SYN2: variants seen among roughly 807,000 people sequenced by gnomAD.
SYN2 encodes synapsin-2.
A neutral mutation model predicts 50.9 loss-of-function variants in SYN2; 19 were observed. The observed-to-expected ratio is 0.37, with a 90% CI of 0.26 to 0.55. The LOEUF (loss-of-function observed/expected upper bound fraction) is 0.55. Among genes scored for constraint, SYN2 ranks in the 20% least tolerant of loss-of-function variants. SYN2 has a pLI of 0.81. For missense variants in SYN2, 587 were observed against 576.4 expected (o/e 1.02, Z -0.19); for synonymous variants, 255 against 224.9 (o/e 1.13, Z -1.20).
intron 1 of SYN2, chr3:12,070,533 G>C: frequency 3.3e-6 from 3 of 917,378 alleles, no homozygotes. Context: ...GGCCCCGGAG[G>C]AGCACCTGGT....
chr3:12,113,690 A>G (rs1696373081), intron 1 of SYN2, among the ~76,000 whole-genome samples: 1 of 152,194 alleles, frequency 6.6e-6, no homozygotes, highest in Non-Finnish European at 1.5e-5. Flanking sequence ...AATAAAAATG[A>G]AATCACACAA....
At chr3:12,155,843 A>G (rs1326939834) in intron 5 of SYN2, among the ~76,000 whole-genome samples, 2 of 152,090 alleles carry the variant, frequency 1.3e-5, no homozygotes, top group Admixed American at 1.3e-4. Flanking sequence ...GAGGTGCGAT[A>G]ATAGAGTTTG....
Position 12,187,392 on chromosome 3 carries a change from A to G in SYN2, c.1393A>G (p.Met465Val). The G allele has an allele frequency of 6.5e-7, 1 of 1,549,094 alleles. No individual in the cohort carries two copies. The highest frequency in any genetic ancestry group is 8.7e-7 in the Non-Finnish European group (1 of 1,144,818). ...AGGGGGCCCTGGGCAACCCCAAGGA[A>G]TGCAGCCCCCAGGCAAGGTGCTGCC... is the stretch of plus-strand genomic sequence containing the variant. ...PQGGPGQPQG[M>V]QPPGKVLPPR... is the part of the protein sequence containing the mutation. The change falls in exon 12 of 13, where the codon ATG becomes GTG. Residue 465 changes from methionine to valine, a missense_variant. Met to Val is a conservative substitution (Grantham distance 21, BLOSUM62 1). Transcript: ENST00000621198.
chr3:12,061,438 T>G (rs1574916728), intron 1 of SYN2, among the ~76,000 whole-genome samples: 1 of 152,256 alleles, frequency 6.6e-6, no homozygotes, highest in South Asian at 2.1e-4. Context: ...AAAAAAAGCC[T>G]ATATTGTACT....
chr3:12,105,903 T>C (rs6774838), intron 1 of SYN2, among the ~76,000 whole-genome samples: 12,801 of 152,156 alleles, frequency 0.084, 1,776 homozygotes, highest in African/African-American at 0.29. Flanking sequence ...ACACTGGAAA[T>C]GATTTGTTGT....
At chr3:12,153,391 C>T in intron 5 of SYN2, 1 of 1,152,422 alleles carries the variant, frequency 8.7e-7, no homozygotes, top group Non-Finnish European at 1.3e-6. Context: ...GCCAGACTGT[C>T]CACTTGGCAC....
intron 1 of SYN2, among the ~76,000 whole-genome samples, chr3:12,017,126 AAG>A (rs1269727017): frequency 3.9e-5 from 6 of 152,276 alleles, no homozygotes; most frequent in Admixed American, 1.3e-4. Context: ...GAGTAAGAGA[AAG>A]AGCCAAAGCA....
chr3:12,153,424 G>A (rs959970070), intron 5 of SYN2: 1 of 1,429,796 alleles, frequency 7.0e-7, no homozygotes, highest in Non-Finnish European at 9.8e-7. Flanking sequence ...GGCAGCAAGA[G>A]GTCAGGTGGT....
chr3:12,067,144 G>A (rs776618213), intron 1 of SYN2, among the ~76,000 whole-genome samples: 1 of 151,968 alleles, frequency 6.6e-6, no homozygotes, highest in African/African-American at 2.4e-5. Context: ...ATTTGCGTGG[G>A]GATACAGCCA....
chr3:12,049,075 C>A (rs1218726592), intron 1 of SYN2, among the ~76,000 whole-genome samples: 2 of 152,168 alleles, frequency 1.3e-5, no homozygotes, highest in Non-Finnish European at 2.9e-5. Flanking sequence ...ACCCTTCTTT[C>A]TCATTCATTG....
intron 10 of SYN2, among the ~76,000 whole-genome samples, chr3:12,176,022 G>A (rs530345110): frequency 1.1e-4 from 16 of 152,204 alleles, no homozygotes; most frequent in Middle Eastern, 3.2e-3. Flanking sequence ...TAGGGAGACT[G>A]TTCTCGAGGT....
In SYN2 at chr3:12,187,451, A is replaced by G. The variant is rs1229419849; in HGVS notation, c.1452A>G (p.Pro484=). Residue 484 remains proline, a synonymous_variant, in exon 12 of 13, where the codon CCA becomes CCG. Transcript: ENST00000621198. Reference sequence around the variant, plus strand: ...GGCTCCCCCCTGGACCATCACTGCCACCTTCCTCCTCTTCCTCCTCTTCTT... The same window carrying G: ...GGCTCCCCCCTGGACCATCACTGCCGCCTTCCTCCTCTTCCTCCTCTTCTT... ...PRRLPPGPSL[P]PSSSSSSSSS... is the part of the protein sequence containing the mutation. The G allele has an allele frequency of 1.3e-6, 2 of 1,553,128 alleles. No individual in the cohort carries two copies. Among genetic ancestry groups the G allele is most frequent in the Non-Finnish European group, 1.7e-6 (2 of 1,147,662 alleles).
rs1698452737 is a variant in SYN2, at chr3:12,192,006, T to C, written c.*1381T>C. 6.6e-6 allele frequency among the ~76,000 whole-genome samples: 1 copy of C among 152,160 alleles called. No homozygotes were observed. The highest frequency in any genetic ancestry group is 1.5e-5 in the Non-Finnish European group (1 of 68,032). On this transcript the variant is annotated 3_prime_UTR_variant, in exon 13 of 13. Transcript: ENST00000621198. ...AAGATAAACACTACATCTGCACCAA[T>C]AAAAAATCCATATATTAAAATGTTA...
rs112127916 is a variant in SYN2, at chr3:12,138,927, G to A, written c.378-1724G>A. 4.6e-3 allele frequency among the ~76,000 whole-genome samples: 707 copies of A among 152,298 alleles called. 6 individuals carry two copies. Among genetic ancestry groups the A allele is most frequent in the African/African-American group, 0.016 (685 of 41,538 alleles). On this transcript the variant is annotated intron_variant, in intron 1 of 12. Coordinates refer to ENST00000621198, the MANE Select transcript of SYN2 (RefSeq NM_133625.6). ...GTCCAAGGTCTGCAGAGAAGTGATA[G>A]TGCCATACTAGACTCTATTAGTTAA...
At chr3:12,076,698 C>T (rs1695475209) in intron 1 of SYN2, among the ~76,000 whole-genome samples, 1 of 151,928 alleles carries the variant, frequency 6.6e-6, no homozygotes, top group Admixed American at 6.6e-5. Flanking sequence ...TATTACTCAC[C>T]AAAGCTAAGA....
chr3:12,125,355 C>T (rs749504316), intron 1 of SYN2, among the ~76,000 whole-genome samples: 14 of 152,100 alleles, frequency 9.2e-5, no homozygotes, highest in African/African-American at 2.2e-4. Context: ...TATAAAGTGA[C>T]GGAACAAATT....
At chr3:12,052,386 A>G (rs1451261019) in intron 1 of SYN2, among the ~76,000 whole-genome samples, 2 of 152,110 alleles carry the variant, frequency 1.3e-5, no homozygotes, top group Non-Finnish European at 2.9e-5. Context: ...TCCAGAATTA[A>G]TGCAGTGCCT....
rs1473825189 is a variant in SYN2 at position 12,041,730 on chromosome 3, A to C, written c.377+36802A>C. ...GCTTTCATCATGGCATTCTCCATTC[A>C]GATAACCTCTAGTTGCCACTCCTGT... On this transcript the variant is annotated intron_variant, in intron 1 of 12. Transcript: ENST00000621198. Among the ~76,000 whole-genome samples, 3 of 152,260 alleles carry C rather than the reference A, an allele frequency of 2.0e-5. No individual in the cohort carries two copies. In the East Asian group the frequency reaches 5.8e-4, roughly 29 times the overall value.
chr3:12,114,886 A>G (rs1263661801), intron 1 of SYN2, among the ~76,000 whole-genome samples: 2 of 152,196 alleles, frequency 1.3e-5, no homozygotes, highest in Admixed American at 6.5e-5. Flanking sequence ...CCAAGCTAAC[A>G]TGAGAGCTTT....
Sources: allele counts gnomAD v4.1 joint callset (sites outside exome capture counted in the v4.1 genomes callset), GRCh38; gene constraint gnomAD v4.1.1; transcripts MANE v1.5; gene names NCBI Gene and HGNC (gene_info 2026-07-23, HGNC 2026-07-21).